The following EPHA4 variants were observed in gnomAD, a reference collection of about 807,000 sequenced individuals.
EPHA4 encodes ephrin type-A receptor 4.
Under a neutral mutation model 108.3 loss-of-function variants are expected in EPHA4, and 19 were observed. The observed-to-expected ratio is 0.18, with a 90% CI of 0.12 to 0.26. EPHA4 has a LOEUF of 0.26. Ranked by LOEUF, EPHA4 falls within the 10% of genes least tolerant of loss-of-function variation. The pLI is 1.00. For missense variants in EPHA4, 917 were observed against 1,254.0 expected, an observed-to-expected ratio of 0.73 and a Z score of 4.06; for synonymous variants, 449 against 455.5, an observed-to-expected ratio of 0.99 and a Z score of 0.18.
chr2:221,566,907 GGAGA>G (rs1170850418), intron 2 of EPHA4, among the ~76,000 whole-genome samples: 1 of 43,972 alleles, frequency 2.3e-5, no homozygotes, highest in Non-Finnish European at 4.0e-5. Flanking sequence ...AGAAGGAGAA[GGAGA>G]AGGAGAAGGA....
In EPHA4 at chr2:221,563,946, T is replaced by C; in HGVS notation, c.608A>G (p.Lys203Arg). ...CAGATTGCGGACTGTGAGTGGACAC[T>C]TTTTATAGAACACACGGACTGATAC... ...ALVSVRVFYK[K>R]CPLTVRNLAQ... Residue 203 changes from lysine (K) to arginine (R), a missense_variant, in exon 3 of 18, where the codon AAG (lysine) becomes AGG (arginine). By Grantham distance (26) the Lys-to-Arg change is conservative. Around this residue, in one of 3 missense-constraint regions of EPHA4, gnomAD observed 758 missense variants for 1,076.7 expected, o/e 0.70. Coordinates refer to ENST00000281821, the MANE Select transcript of EPHA4 (RefSeq NM_004438.5). 2.5e-6 allele frequency: 4 copies of C among 1,614,160 alleles called. No homozygotes were observed. The South Asian group carries it at 3.3e-5, about 13-fold the overall frequency.
chr2:221,549,728 T>G (rs960347846), intron 3 of EPHA4, among the ~76,000 whole-genome samples: 10 of 152,234 alleles, frequency 6.6e-5, no homozygotes, highest in Non-Finnish European at 1.3e-4. Flanking sequence ...GGCTCACGCC[T>G]GTAATCCCAG....
chr2:221,440,608 CT>C (rs540476239), intron 11 of EPHA4, among the ~76,000 whole-genome samples: 3,712 of 139,620 alleles, frequency 0.027, 92 homozygotes, highest in African/African-American at 0.074. Context: ...ACCAAGGTTC[CT>C]TTTTTTTTTT....
chr2:221,572,377 C>T (rs1025459530), upstream of EPHA4: 24 of 762,100 alleles, frequency 3.1e-5, no homozygotes, highest in Non-Finnish European at 4.6e-5. Context: ...CCCGCCAGTC[C>T]GGGGCCCGCG....
chr2:221,514,185 T>C (rs1195488229), intron 3 of EPHA4, among the ~76,000 whole-genome samples: 1 of 151,940 alleles, frequency 6.6e-6, no homozygotes, highest in Non-Finnish European at 1.5e-5. Context: ...GCAGCCGAAA[T>C]ACACAGTGTG....
At position 221,425,532 on chromosome 2, in the gene EPHA4, T is replaced by C. The variant is rs928243305; in HGVS notation, c.*496A>G. ...CGTCGCTTTCTCCTAGGACTTTTTTTTCCCCCATGGTATGAACCAAGCCCT... is the reference window on the plus strand; with the variant it reads ...CGTCGCTTTCTCCTAGGACTTTTTTCTCCCCCATGGTATGAACCAAGCCCT... On this transcript the variant is annotated 3_prime_UTR_variant, in exon 17 of 18. Transcript: ENST00000281821. 1 of 153,038 alleles carries C rather than the reference T, an allele frequency of 6.5e-6. No homozygotes were observed. Among genetic ancestry groups the C allele is most frequent in the Non-Finnish European group, 1.5e-5 (1 of 68,710 alleles). The allele number at this position is 153,038 out of a possible 1,614,324, so 9.5% of individuals were successfully genotyped here.
rs569008095 is a variant in EPHA4, at chr2:221,426,215, C to A, written c.2847-73G>T. 31 of 1,351,876 alleles carry A rather than the reference C, an allele frequency of 2.3e-5. 2 individuals carry two copies. In the South Asian group the frequency reaches 3.3e-4, roughly 14 times the overall value. The allele number at this position is 1,351,876 out of a possible 1,614,324, so 83.7% of individuals were successfully genotyped here. On this transcript the variant is annotated intron_variant, in intron 16 of 17. Transcript: ENST00000281821. ...ACAATCTCTTTTCTTGGGCTTCATG[C>A]AGACACACGTTTGAATCAGCCACAA...
At chr2:221,513,812 T>C (rs1692905837) in intron 3 of EPHA4, among the ~76,000 whole-genome samples, 1 of 152,210 alleles carries the variant, frequency 6.6e-6, no homozygotes, top group Non-Finnish European at 1.5e-5. Context: ...TTTAATATCA[T>C]ATGTGTTTGA....
chr2:221,477,190 C>T (rs1188601189), intron 5 of EPHA4, among the ~76,000 whole-genome samples: 1 of 152,114 alleles, frequency 6.6e-6, no homozygotes, highest in Non-Finnish European at 1.5e-5. Flanking sequence ...CCTTGAAAGG[C>T]CCTTTACAAC....
intron 8 of EPHA4, among the ~76,000 whole-genome samples, chr2:221,446,846 G>C (rs1273252179): frequency 6.6e-6 from 1 of 152,116 alleles, no homozygotes; most frequent in Non-Finnish European, 1.5e-5. Flanking sequence ...AATGAGCAAG[G>C]GTAAAAATGA....
intron 5 of EPHA4, among the ~76,000 whole-genome samples, chr2:221,474,490 C>A (rs1691599239): frequency 6.6e-6 from 1 of 151,300 alleles, no homozygotes; most frequent in Non-Finnish European, 1.5e-5. Flanking sequence ...TGAAGTAAAC[C>A]AGGATCCCAT....
In EPHA4 at chr2:221,570,809, TGGACGGAC is replaced by T. The variant is rs374741538; in HGVS notation, c.91+1341_91+1348del. ...ATGGGTGGATGGATGGAGGGATGGA[TGGACGGAC>T]GGACGGACAGATATATGGATGGATG... On this transcript the variant is annotated intron_variant, in intron 1 of 17. Transcript: ENST00000281821. Among the ~76,000 whole-genome samples the T allele has an allele frequency of 7.3e-5, 11 of 151,672 alleles. No homozygotes were observed. The East Asian group carries it at 7.7e-4, about 11-fold the overall frequency.
chr2:221,490,388 T>C (rs1353809212), intron 4 of EPHA4, among the ~76,000 whole-genome samples: 3 of 152,096 alleles, frequency 2.0e-5, no homozygotes, highest in South Asian at 4.1e-4. Context: ...AGACATCTAA[T>C]ACTTAACTGA....
At position 221,420,304 on chromosome 2, in the gene EPHA4, C is replaced by G. The variant is rs564995191; in HGVS notation, c.*1068G>C. ...CTGCGAGACAGTGCATTCCTCAGTGCAACTGGAGAACAGATGCTGAATCTT... is the reference window on the plus strand; with the variant it reads ...CTGCGAGACAGTGCATTCCTCAGTGGAACTGGAGAACAGATGCTGAATCTT... On this transcript the variant is annotated 3_prime_UTR_variant, in exon 18 of 18. Transcript: ENST00000281821. 1 of 152,664 alleles carries G rather than the reference C, an allele frequency of 6.6e-6. No individual in the cohort carries two copies. The highest frequency in any genetic ancestry group is 1.5e-5 in the Non-Finnish European group (1 of 68,056). 9.5% of individuals were successfully genotyped at this position (152,664 alleles called of 1,614,324 possible). A position where few individuals can be genotyped will look rare whatever the true frequency, so the allele number is the denominator to read the frequency against.
At chr2:221,468,226 A>T (rs1198717308) in intron 5 of EPHA4, among the ~76,000 whole-genome samples, 3 of 151,620 alleles carry the variant, frequency 2.0e-5, no homozygotes, top group Non-Finnish European at 1.5e-5. Context: ...CCTAGGGAAG[A>T]TCAGAGGAAA....
At chr2:221,566,833 GAGA>G (rs1251556436) in intron 2 of EPHA4, among the ~76,000 whole-genome samples, 9 of 108,440 alleles carry the variant, frequency 8.3e-5, no homozygotes, top group African/African-American at 3.0e-4. Flanking sequence ...GAAGGAGAAG[GAGA>G]AGAAGGAGAA....
intron 3 of EPHA4, among the ~76,000 whole-genome samples, chr2:221,546,456 A>T (rs1230214722): frequency 6.6e-6 from 1 of 151,772 alleles, no homozygotes; most frequent in Non-Finnish European, 1.5e-5. Flanking sequence ...TTTTATTTTT[A>T]TCAGTTTTCT....
chr2:221,507,322 CTCAGTA>C (rs1308765950), intron 3 of EPHA4, among the ~76,000 whole-genome samples: 1 of 152,160 alleles, frequency 6.6e-6, no homozygotes, highest in Non-Finnish European at 1.5e-5. Flanking sequence ...GCTGATTTTA[CTCAGTA>C]TCATTATAAG....
chr2:221,471,617 A>G (rs758037083), intron 5 of EPHA4, among the ~76,000 whole-genome samples: 18 of 152,210 alleles, frequency 1.2e-4, no homozygotes, highest in Non-Finnish European at 1.9e-4. Flanking sequence ...TGAAGAGTTT[A>G]CAGTGAGATA....
Sources: gnomAD v4.1 joint callset for allele counts (sites outside exome capture counted in the v4.1 genomes callset) on GRCh38, gnomAD v4.1.1 for gene constraint, gnomAD v4.1.1 regional missense constraint, MANE v1.5 for transcripts, NCBI Gene and HGNC (gene_info 2026-07-23, HGNC 2026-07-21) for gene names.